The following PACSIN1 variants were observed in gnomAD, a reference collection of about 807,000 sequenced individuals.
PACSIN1 encodes protein kinase C and casein kinase substrate in neurons 1.
In PACSIN1, 15 loss-of-function variants were observed where a neutral mutation model predicts 59.5. That is an observed-to-expected ratio of 0.25 (90% CI 0.17 to 0.39). The LOEUF is 0.39. Ranked by LOEUF, PACSIN1 falls within the 10% of genes least tolerant of loss-of-function variation. The pLI is 1.00. For missense variants in PACSIN1, 420 were observed against 580.2 expected (o/e 0.72, Z 2.84); for synonymous variants, 210 against 220.6 (o/e 0.95, Z 0.42).
At position 34,526,346 on chromosome 6, in the gene PACSIN1, A is replaced by G; in HGVS notation, c.41A>G (p.Glu14Gly). Residue 14 changes from glutamate to glycine, a missense_variant, in exon 2 of 10, where the codon GAG (glutamate) becomes GGG (glycine). Transcript: ENST00000244458. ...SYDEASLAPE[E>G]TTDSFWEVGN... ...GATGAGGCCTCACTGGCGCCAGAGG[A>G]GACCACCGACAGCTTCTGGGAGGTG... The G allele has an allele frequency of 6.2e-7, 1 of 1,612,018 alleles. No individual in the cohort carries two copies. The highest frequency in any genetic ancestry group is 8.5e-7 in the Non-Finnish European group (1 of 1,179,772).
intron 3 of PACSIN1, chr6:34,527,722 A>T: frequency 2.8e-6 from 1 of 358,570 alleles, no homozygotes; most frequent in Non-Finnish European, 5.0e-6. Flanking sequence ...AAATAATTCA[A>T]ACTTTGTGAA....
At chr6:34,524,719 C>T (rs1767453775) in intron 1 of PACSIN1, among the ~76,000 whole-genome samples, 1 of 152,240 alleles carries the variant, frequency 6.6e-6, no homozygotes, top group Non-Finnish European at 1.5e-5. Context: ...GGCTGACTGA[C>T]TGGAAGTAAA....
chr6:34,497,678 G>C (rs1057215253), intron 1 of PACSIN1, among the ~76,000 whole-genome samples: 1 of 152,090 alleles, frequency 6.6e-6, no homozygotes, highest in East Asian at 1.9e-4. Flanking sequence ...GGTCTCTCTC[G>C]ATCCCTCCCA....
intron 1 of PACSIN1, among the ~76,000 whole-genome samples, chr6:34,484,269 C>T (rs1000765797): frequency 6.6e-6 from 1 of 151,832 alleles, no homozygotes; most frequent in Non-Finnish European, 1.5e-5. Context: ...ATTCAGTGTT[C>T]AAAATAAATG....
At chr6:34,500,649 T>G (rs1767011262) in intron 1 of PACSIN1, among the ~76,000 whole-genome samples, 1 of 152,208 alleles carries the variant, frequency 6.6e-6, no homozygotes, top group Admixed American at 6.5e-5. Flanking sequence ...CACCAGCTGC[T>G]TTAGCCCCTA....
chr6:34,504,046 C>T (rs1035850726), intron 1 of PACSIN1, among the ~76,000 whole-genome samples: 2 of 152,044 alleles, frequency 1.3e-5, no homozygotes, highest in Non-Finnish European at 2.9e-5. Context: ...TATATATCTA[C>T]ATACCTATAT....
At chr6:34,471,116 T>C (rs1289026241) in intron 1 of PACSIN1, among the ~76,000 whole-genome samples, 2 of 152,064 alleles carry the variant, frequency 1.3e-5, no homozygotes, top group African/African-American at 4.8e-5. Context: ...CAGCTAATTT[T>C]TCTGTATTTT....
chr6:34,498,039 TG>T (rs1766972398), intron 1 of PACSIN1, among the ~76,000 whole-genome samples: 1 of 151,396 alleles, frequency 6.6e-6, no homozygotes. Context: ...GTCCTTTGCC[TG>T]TTTTTTGTTT....
intron 1 of PACSIN1, among the ~76,000 whole-genome samples, chr6:34,498,689 T>C (rs1187707174): frequency 6.7e-6 from 1 of 150,014 alleles, no homozygotes; most frequent in Non-Finnish European, 1.5e-5. Context: ...CCAAGTACTC[T>C]GGAGGCTGAG....
Position 34,530,409 on chromosome 6 carries a change from G to A in PACSIN1, c.909+46G>A. On this transcript the variant is annotated intron_variant, in intron 7 of 9. Coordinates refer to ENST00000244458, the MANE Select transcript of PACSIN1 (RefSeq NM_020804.5). The surrounding 1 kb of genome is among the most constrained non-coding windows in gnomAD (Gnocchi z 4.4). ...GAAGGGGAGCCTGAAGAGGCTGAAA[G>A]GTGCCTCAGGGCATAGTCCCCCAGC... 1 of 1,605,118 alleles carries A rather than the reference G, an allele frequency of 6.2e-7. No homozygotes were observed. Among genetic ancestry groups the A allele is most frequent in the Non-Finnish European group, 8.5e-7 (1 of 1,173,696 alleles).
chr6:34,513,952 G>A (rs1370576977), intron 1 of PACSIN1, among the ~76,000 whole-genome samples: 1 of 152,302 alleles, frequency 6.6e-6, no homozygotes, highest in South Asian at 2.1e-4. Flanking sequence ...TGTGTGTGCC[G>A]CACTGAGTTT....
intron 2 of PACSIN1, 49 bp from the exon 3 acceptor site, chr6:34,527,283 T>G: frequency 6.9e-7 from 1 of 1,447,838 alleles, no homozygotes. Flanking sequence ...CGGGCGGGGC[T>G]GGGGACGCTG....
intron 1 of PACSIN1, among the ~76,000 whole-genome samples, chr6:34,486,183 A>G (rs554669216): frequency 1.3e-5 from 2 of 151,764 alleles, no homozygotes; most frequent in Non-Finnish European, 2.9e-5. Flanking sequence ...GGGGCCTGGG[A>G]ACCCAGGGAG....
Position 34,531,351 on chromosome 6 carries a change from G to A in PACSIN1, c.1038-249G>A, listed in dbSNP as rs1034694378. On this transcript the variant is annotated intron_variant, in intron 8 of 9. Transcript: ENST00000244458. The surrounding 1 kb of genome is among the most constrained non-coding windows in gnomAD (Gnocchi z 4.4). ...AACATTAGGTGGTACTCCTCCTCCC[G>A]GATGAAGGCTCAGATGTGCCCTGGG... 3.9e-5 allele frequency among the ~76,000 whole-genome samples: 6 copies of A among 152,120 alleles called. No homozygotes were observed. The highest frequency in any genetic ancestry group is 1.9e-4 in the East Asian group (1 of 5,196).
chr6:34,481,449 G>A (rs564284347), intron 1 of PACSIN1, among the ~76,000 whole-genome samples: 46 of 152,266 alleles, frequency 3.0e-4, no homozygotes, highest in African/African-American at 1.1e-3. Context: ...TAGGGAGGCC[G>A]AGGCGGGAGG....
chr6:34,501,445 C>A (rs951150922), intron 1 of PACSIN1, among the ~76,000 whole-genome samples: 1 of 152,176 alleles, frequency 6.6e-6, no homozygotes, highest in Non-Finnish European at 1.5e-5. Context: ...GACCAGGCAG[C>A]CTAGCTAGGA....
At chr6:34,477,466 T>C (rs1766655649) in intron 1 of PACSIN1, among the ~76,000 whole-genome samples, 1 of 152,108 alleles carries the variant, frequency 6.6e-6, no homozygotes, top group Admixed American at 6.5e-5. Context: ...GGTGCTGTGG[T>C]CTGCAGGGAA....
At chr6:34,505,243 CTCTT>C (rs1314701486) in intron 1 of PACSIN1, among the ~76,000 whole-genome samples, 1 of 152,048 alleles carries the variant, frequency 6.6e-6, no homozygotes, top group Non-Finnish European at 1.5e-5. Flanking sequence ...TGTCATTTCT[CTCTT>C]TCTCTGTTTT....
At position 34,531,186 on chromosome 6, in the gene PACSIN1, C is replaced by G. The variant is rs907853054; in HGVS notation, c.1038-414C>G. ...ATGTTAACTCATTCATGCTCAAGTGCGTAAATATTACCATTTTACAGATGG... is the reference window on the plus strand; with the variant it reads ...ATGTTAACTCATTCATGCTCAAGTGGGTAAATATTACCATTTTACAGATGG... On this transcript the variant is annotated intron_variant, in intron 8 of 9. Coordinates refer to ENST00000244458, the MANE Select transcript of PACSIN1 (RefSeq NM_020804.5). This position sits in a 1 kb window ranked among gnomAD's most constrained non-coding sequence, Gnocchi z 4.4. 6.6e-6 allele frequency among the ~76,000 whole-genome samples: 1 copy of G among 152,146 alleles called. No individual in the cohort carries two copies. The highest frequency in any genetic ancestry group is 6.5e-5 in the Admixed American group (1 of 15,280).
Sources: gnomAD v4.1 joint callset for allele counts (sites outside exome capture counted in the v4.1 genomes callset) on GRCh38, gnomAD v4.1.1 for gene constraint, Gnocchi (gnomAD v3.1) non-coding constraint, MANE v1.5 for transcripts, NCBI Gene and HGNC (gene_info 2026-07-23, HGNC 2026-07-21) for gene names.